The following TBL1X variants were observed in gnomAD, a reference collection of about 807,000 sequenced individuals.
TBL1X encodes the protein transducin beta like 1 X-linked.
TBL1X carries 10 observed loss-of-function variants against 50.7 expected under a neutral mutation model. That is an observed-to-expected ratio of 0.20 (90% CI 0.12 to 0.33). TBL1X has a LOEUF of 0.33. Ranked by LOEUF, TBL1X falls within the 10% of genes least tolerant of loss-of-function variation. TBL1X has a pLI of 1.00. For missense variants in TBL1X, 340 were observed against 504.4 expected (o/e 0.67, Z 3.12); for synonymous variants, 190 against 214.7 (o/e 0.88, Z 1.01).
intron 17 of TBL1X, among the ~76,000 whole-genome samples, chrX:9,715,306 CAT>C (rs765220405): frequency 1.8e-5 from 2 of 112,281 alleles, no homozygotes; most frequent in East Asian, 5.6e-4. Flanking sequence ...TCACTACAGT[CAT>C]GTGTCGCTTA....
Position 9,693,386 on chromosome X carries a change from G to A in TBL1X, c.1020G>A (p.Lys340=), listed in dbSNP as rs767323740. The change falls in exon 11 of 18, where the codon AAG becomes AAA. Residue 340 remains lysine, a synonymous_variant. Coordinates refer to ENST00000645353, the MANE Select transcript of TBL1X (RefSeq NM_005647.4). ...GPIFALKWNR[K]GNYILSAGVD... The stretch of plus-strand genomic sequence containing the variant: ...TCTTTGCCTTGAAATGGAACCGAAA[G>A]GGGAATTACATTTTGAGTGCTGGTG... 7.3e-5 allele frequency: 88 copies of A among 1,208,401 alleles called. No individual in the cohort carries two copies. Among genetic ancestry groups the A allele is most frequent in the Non-Finnish European group, 8.3e-5 (74 of 894,296 alleles).
intron 11 of TBL1X, among the ~76,000 whole-genome samples, chrX:9,695,981 G>A (rs1185792228): frequency 7.1e-5 from 8 of 112,392 alleles, no homozygotes; most frequent in Non-Finnish European, 1.9e-5. Flanking sequence ...AACCACAGCA[G>A]GAGTGAAAAT....
At chrX:9,675,907 AAG>A (rs1279143801) in intron 5 of TBL1X, among the ~76,000 whole-genome samples, 6 of 109,871 alleles carry the variant, frequency 5.5e-5, no homozygotes, top group South Asian at 7.8e-4. Context: ...AAAAAAAAAA[AAG>A]AAGAAAGTAA....
At chrX:9,474,972 C>T (rs2081840508) in intron 1 of TBL1X, among the ~76,000 whole-genome samples, 1 of 112,095 alleles carries the variant, frequency 8.9e-6, no homozygotes, top group South Asian at 3.7e-4. Flanking sequence ...CTCCTGGGTT[C>T]AAGCAATTCT....
intron 1 of TBL1X, among the ~76,000 whole-genome samples, chrX:9,467,206 C>T (rs764974863): frequency 6.3e-5 from 7 of 111,965 alleles, no homozygotes; most frequent in Non-Finnish European, 1.1e-4. Flanking sequence ...TTTAAGGTGA[C>T]GAACAGAGGC....
intron 2 of TBL1X, among the ~76,000 whole-genome samples, chrX:9,553,977 C>T (rs2082283018): frequency 9.0e-6 from 1 of 111,710 alleles, no homozygotes; most frequent in Admixed American, 9.5e-5. Context: ...CCTCCCCAAG[C>T]TCAGGCGATC....
At chrX:9,675,446 A>G (rs2082987747) in intron 5 of TBL1X, among the ~76,000 whole-genome samples, 1 of 111,664 alleles carries the variant, frequency 9.0e-6, no homozygotes, top group Non-Finnish European at 1.9e-5. Flanking sequence ...TGAGTAAAGG[A>G]TGACCTGCCT....
At chrX:9,489,493 G>A (rs2081930254) in intron 1 of TBL1X, among the ~76,000 whole-genome samples, 1 of 111,810 alleles carries the variant, frequency 8.9e-6, no homozygotes, top group African/African-American at 3.2e-5. Flanking sequence ...ACTAGTCATG[G>A]TTAGCTGTGT....
chrX:9,496,671 A>C (rs1399504934), intron 1 of TBL1X, among the ~76,000 whole-genome samples: 1 of 111,995 alleles, frequency 8.9e-6, no homozygotes, highest in South Asian at 3.7e-4. Flanking sequence ...GAAATCCACT[A>C]TCTCTCATCC....
chrX:9,521,156 A>AT (rs1228096597), intron 2 of TBL1X, among the ~76,000 whole-genome samples: 1 of 110,797 alleles, frequency 9.0e-6, no homozygotes, highest in Non-Finnish European at 1.9e-5. Flanking sequence ...GAGGGGACGT[A>AT]TTTTTTGCAG....
chrX:9,716,198 G>A, intron 17 of TBL1X, 22 bp from the exon 18 acceptor site: 2 of 1,209,756 alleles, frequency 1.7e-6, no homozygotes, highest in Non-Finnish European at 2.2e-6. Context: ...CAAGATGACA[G>A]GTGCTTTATC....
At position 9,686,966 on chromosome X, in the gene TBL1X, C is replaced by G. The variant is rs768781113; in HGVS notation, c.358-1051C>G. ...TTTATTTTGAATATTGTCTTGTAAT[C>G]AGAAATCATCTGGAGTGATGTTTCA... On this transcript the variant is annotated intron_variant, in intron 6 of 17. Transcript: ENST00000645353. Among the ~76,000 whole-genome samples, 5 of 112,454 alleles carry G rather than the reference C, an allele frequency of 4.4e-5. No individual in the cohort carries two copies. The South Asian group carries it at 1.8e-3, about 41-fold the overall frequency.
intron 2 of TBL1X, among the ~76,000 whole-genome samples, chrX:9,519,279 C>T (rs188735571): frequency 3.6e-5 from 4 of 111,143 alleles, no homozygotes. Flanking sequence ...CAGAGTCTTG[C>T]TCTGGTGCCT....
chrX:9,491,543 T>C (rs1399334831), intron 1 of TBL1X, among the ~76,000 whole-genome samples: 1 of 107,578 alleles, frequency 9.3e-6, no homozygotes, highest in East Asian at 2.9e-4. Flanking sequence ...GATCACGCTT[T>C]ATATTTTGTT....
At chrX:9,565,582 A>G (rs1190683335) in intron 2 of TBL1X, among the ~76,000 whole-genome samples, 2 of 110,873 alleles carry the variant, frequency 1.8e-5, no homozygotes, top group Non-Finnish European at 3.8e-5. Flanking sequence ...TAATTACAAC[A>G]CTTCGGGAGG....
chrX:9,613,039 C>CA (rs542658168), intron 2 of TBL1X, among the ~76,000 whole-genome samples: 8,944 of 91,147 alleles, frequency 0.098, 336 homozygotes, highest in Middle Eastern at 0.16. Context: ...AAATTATTAC[C>CA]AAAAAAAAAA....
rs147822810 is a variant in TBL1X at position 9,688,223 on chromosome X, G to A, written c.564G>A (p.Ser188=). The A allele has an allele frequency of 2.6e-5, 31 of 1,197,836 alleles. No individual in the cohort carries two copies. Among genetic ancestry groups the A allele is most frequent in the South Asian group, 3.6e-5 (2 of 54,805 alleles). The change falls in exon 7 of 18, where the codon TCG becomes TCA. Residue 188 remains serine, a synonymous_variant. Coordinates refer to ENST00000645353, the MANE Select transcript of TBL1X (RefSeq NM_005647.4). The part of the protein sequence containing the change: ...TSAGVSHQNP[S]KNREATVNGE... The stretch of plus-strand genomic sequence containing the variant: ...CCGGCGTTTCCCACCAAAATCCATC[G>A]AAGAACAGAGAGGCCACGGTGAATG...
intron 3 of TBL1X, among the ~76,000 whole-genome samples, chrX:9,647,701 A>G (rs1601814944): frequency 8.9e-6 from 1 of 112,162 alleles, no homozygotes; most frequent in African/African-American, 3.2e-5. Context: ...CTCCAGCTGT[A>G]CATACTAGAA....
Position 9,711,770 on chromosome X carries a change from T to A in TBL1X, c.1599T>A (p.Asn533Lys). The stretch of plus-strand genomic sequence containing the variant: ...TCGACAAGTGCGTCCATATCTGGAA[T>A]ACTCAGGTAAGCTCCCGACCCCTAC... ...GSFDKCVHIW[N>K]TQSGNLVHSY... Residue 533 changes from asparagine (N) to lysine (K), a missense_variant, in exon 16 of 18, where the codon AAT becomes AAA. Physicochemically the swap from Asn to Lys is moderately conservative, Grantham distance 94. Around this residue, in one of 6 missense-constraint regions of TBL1X, gnomAD observed 170 missense variants for 272.6 expected, o/e 0.62. Coordinates refer to ENST00000645353, the MANE Select transcript of TBL1X (RefSeq NM_005647.4). The A allele has an allele frequency of 8.4e-7, 1 of 1,195,455 alleles. No homozygotes were observed. The highest frequency in any genetic ancestry group is 1.1e-6 in the Non-Finnish European group (1 of 886,578).
Sources: gnomAD v4.1 joint callset for allele counts (sites outside exome capture counted in the v4.1 genomes callset) on GRCh38, gnomAD v4.1.1 for gene constraint, gnomAD v4.1.1 regional missense constraint, MANE v1.5 for transcripts, NCBI Gene and HGNC (gene_info 2026-07-23, HGNC 2026-07-21) for gene names.